Variants in RCOR1 observed in about 807,000 individuals in gnomAD.
The protein encoded by RCOR1 is REST corepressor.
A neutral mutation model predicts 64.0 loss-of-function variants in RCOR1; 12 were observed. The ratio of observed to expected loss-of-function variants is 0.19; its 90% CI spans 0.12 to 0.30. RCOR1 has a LOEUF of 0.30. RCOR1 is among the 10% of genes least tolerant of loss of function. The probability of loss-of-function intolerance (pLI) is 1.00; values close to 1 mark genes in which losing one functional copy is unlikely to be tolerated. For missense variants in RCOR1, 502 were observed against 621.2 expected (o/e 0.81, Z 2.04); for synonymous variants, 279 against 227.2 (o/e 1.23, Z -2.05).
At position 102,656,136 on chromosome 14, in the gene RCOR1, TA is replaced by T. The variant is rs199665914; in HGVS notation, c.362-25758del. 1.3e-3 allele frequency: 1,299 copies of T among 975,364 alleles called. 4 individuals are homozygous for T. The highest frequency in any genetic ancestry group is 0.011 in the African/African-American group (623 of 56,552). 60.4% of individuals were successfully genotyped at this position (975,364 alleles called of 1,614,324 possible). On this transcript the variant is annotated intron_variant, in intron 2 of 11. Transcript: ENST00000262241. ...TGAAATCACTTTGCTGAGATTTTTT[TA>T]TTTTTTTTATTTTTTTTTTGGAGAC...
At chr14:102,630,914 C>A (rs900707455) in intron 2 of RCOR1, among the ~76,000 whole-genome samples, 2 of 152,022 alleles carry the variant, frequency 1.3e-5, no homozygotes, top group Non-Finnish European at 2.9e-5. Flanking sequence ...CCACTGTGAT[C>A]TGGAACAGCT....
At chr14:102,704,467 T>C (rs979740488) in intron 4 of RCOR1, among the ~76,000 whole-genome samples, 4 of 152,244 alleles carry the variant, frequency 2.6e-5, no homozygotes, top group African/African-American at 9.6e-5. Context: ...AGTCTCACTC[T>C]GTCACCCAGG....
chr14:102,596,413 T>G (rs1434514461), intron 2 of RCOR1, among the ~76,000 whole-genome samples: 1 of 152,158 alleles, frequency 6.6e-6, no homozygotes, highest in Non-Finnish European at 1.5e-5. Flanking sequence ...AACTGATGTT[T>G]GTTTTATAGC....
chr14:102,595,920 A>G (rs1384789099), intron 2 of RCOR1, among the ~76,000 whole-genome samples: 3 of 151,752 alleles, frequency 2.0e-5, no homozygotes, highest in Non-Finnish European at 4.4e-5. Context: ...CTGGAAAGGA[A>G]TCTAACTGGT....
chr14:102,678,189 C>T (rs866257746), intron 2 of RCOR1, among the ~76,000 whole-genome samples: 2 of 151,486 alleles, frequency 1.3e-5, no homozygotes, highest in African/African-American at 2.4e-5. Context: ...AGAGGGAGAC[C>T]GTGGAAGGAG....
chr14:102,602,894 C>T (rs565970532), intron 2 of RCOR1, among the ~76,000 whole-genome samples: 15 of 151,936 alleles, frequency 9.9e-5, no homozygotes, highest in Middle Eastern at 3.4e-3. Context: ...TTTGTAGAGA[C>T]GGGGTTTTGC....
chr14:102,659,287 A>G (rs1460719149), intron 2 of RCOR1: 1 of 984,014 alleles, frequency 1.0e-6, no homozygotes, highest in Non-Finnish European at 1.2e-6. Flanking sequence ...ATCAAAACAA[A>G]TGTCTCATCT....
chr14:102,694,401 C>T (rs1895602284), intron 3 of RCOR1, among the ~76,000 whole-genome samples: 1 of 152,164 alleles, frequency 6.6e-6, no homozygotes, highest in Admixed American at 6.5e-5. Flanking sequence ...GGACTATAGG[C>T]ACCCGCCACC....
chr14:102,652,751 A>G (rs188847295), intron 2 of RCOR1, among the ~76,000 whole-genome samples: 99 of 152,232 alleles, frequency 6.5e-4, no homozygotes, highest in Non-Finnish European at 1.1e-3. Context: ...AACATTTTCT[A>G]TCTTCCACTT....
At position 102,710,940 on chromosome 14, in the gene RCOR1, A is replaced by G; in HGVS notation, c.785A>G (p.Asp262Gly). 1.3e-6 allele frequency: 2 copies of G among 1,599,814 alleles called. No homozygotes were observed. Among genetic ancestry groups the G allele is most frequent in the South Asian group, 2.3e-5 (2 of 87,738 alleles). ...KQKREREESE[D>G]ELEEANGNNP... ...AACTTGTTCTTGTCTTCCAGCGAGG[A>G]TGAACTGGAAGAGGCAAATGGAAAC... Residue 262 changes from aspartate (D) to glycine (G), a missense_variant, in exon 7 of 12, where the codon GAT becomes GGT. By Grantham distance (94) the Asp-to-Gly change is moderately conservative. Coordinates refer to ENST00000262241, the MANE Select transcript of RCOR1 (RefSeq NM_015156.4).
At chr14:102,709,755 C>T (rs529120083) in intron 6 of RCOR1, among the ~76,000 whole-genome samples, 4 of 152,184 alleles carry the variant, frequency 2.6e-5, no homozygotes, top group Non-Finnish European at 5.9e-5. Flanking sequence ...GAAGCTTTTT[C>T]ATTTCCCTAG....
chr14:102,654,106 C>T (rs1894671769), intron 2 of RCOR1, among the ~76,000 whole-genome samples: 1 of 151,190 alleles, frequency 6.6e-6, no homozygotes, highest in African/African-American at 2.4e-5. Flanking sequence ...CTGCCTCAGC[C>T]TCCCGAGTAG....
At chr14:102,691,370 G>C (rs1244826875) in intron 3 of RCOR1, among the ~76,000 whole-genome samples, 1 of 152,132 alleles carries the variant, frequency 6.6e-6, no homozygotes, top group South Asian at 2.1e-4. Flanking sequence ...TGAGTCATGG[G>C]TTCATTTGTA....
At chr14:102,704,676 C>T (rs766722873) in intron 4 of RCOR1, among the ~76,000 whole-genome samples, 130 of 152,350 alleles carry the variant, frequency 8.5e-4, no homozygotes, top group African/African-American at 1.2e-3. Flanking sequence ...GTGATCCACT[C>T]ACGTCGGCCT....
In RCOR1 at chr14:102,707,023, ATGTG is replaced by A. The variant is rs1357235319; in HGVS notation, c.499-326_499-323del. On this transcript the variant is annotated intron_variant, in intron 4 of 11. Coordinates refer to ENST00000262241, the MANE Select transcript of RCOR1 (RefSeq NM_015156.4). ...TTTCCAAGAAAAATATTTTTATTGTATGTGTAATTTCCAATTAAAACATATTGCA... is the reference window on the plus strand; with the variant it reads ...TTTCCAAGAAAAATATTTTTATTGTATAATTTCCAATTAAAACATATTGCA... 3.3e-5 allele frequency among the ~76,000 whole-genome samples: 5 copies of A among 152,008 alleles called. No homozygotes were observed. The South Asian group carries it at 6.2e-4, about 19-fold the overall frequency.
At chr14:102,635,124 G>A (rs974553618) in intron 2 of RCOR1, among the ~76,000 whole-genome samples, 1 of 152,070 alleles carries the variant, frequency 6.6e-6, no homozygotes, top group African/African-American at 2.4e-5. Flanking sequence ...ATGAGCCATT[G>A]CACCCAGTCC....
Position 102,683,671 on chromosome 14 carries a change from C to T in RCOR1, c.445+1693C>T, listed in dbSNP as rs566627469. 1.2e-4 allele frequency among the ~76,000 whole-genome samples: 18 copies of T among 152,362 alleles called. No homozygotes were observed. In the South Asian group the frequency reaches 2.9e-3, roughly 25 times the overall value. On this transcript the variant is annotated intron_variant, in intron 3 of 11. Transcript: ENST00000262241. ...CTCCTCTGGGGGCGCGCTGATGTTC[C>T]GTGCGCGAATGTGGCCCCCGCTGAC... is the stretch of plus-strand genomic sequence containing the variant.
At chr14:102,712,308 G>A (rs996875192) in intron 7 of RCOR1, among the ~76,000 whole-genome samples, 2 of 151,520 alleles carry the variant, frequency 1.3e-5, no homozygotes, top group East Asian at 1.9e-4. Flanking sequence ...TCAGCCTACC[G>A]AGTAGCTGGG....
chr14:102,703,656 G>A (rs1895791159), intron 4 of RCOR1, among the ~76,000 whole-genome samples: 1 of 152,236 alleles, frequency 6.6e-6, no homozygotes, highest in Admixed American at 6.5e-5. Flanking sequence ...GTTAAAAGCT[G>A]CCGGAGAGTC....
Sources: allele counts gnomAD v4.1 joint callset (sites outside exome capture counted in the v4.1 genomes callset), GRCh38; gene constraint gnomAD v4.1.1; transcripts MANE v1.5; gene names NCBI Gene and HGNC (gene_info 2026-07-23, HGNC 2026-07-21).